HDAC9: variants seen among roughly 807,000 people sequenced by gnomAD.
HDAC9 encodes MEF-2 interacting transcription repressor (MITR) protein.
Under a neutral mutation model 139.4 loss-of-function variants are expected in HDAC9, and 41 were observed. That is an observed-to-expected ratio of 0.29 (90% confidence interval 0.23 to 0.38). The LOEUF (loss-of-function observed/expected upper bound fraction) is 0.38, where lower values mean the gene tolerates loss of function less well. Among genes scored for constraint, HDAC9 ranks in the 10% least tolerant of loss-of-function variants. HDAC9 has a pLI of 1.00. For synonymous variants in HDAC9, 517 were observed against 476.2 expected (o/e 1.09, Z -1.12); for missense variants, 1,147 against 1,297.0 (o/e 0.88, Z 1.78).
Position 18,167,906 on chromosome 7 carries a change from G to A in HDAC9, c.25+5557G>A, listed in dbSNP as rs188870303. ...CTGCAGATACGGTATTGCTTACCAA[G>A]AGGTGCAGTATTTTATAATGCACTC... is the stretch of plus-strand genomic sequence containing the variant. On this transcript the variant is annotated intron_variant, in intron 2 of 12. Coordinates refer to the HDAC9 transcript ENST00000417496. 1.5e-3 allele frequency among the ~76,000 whole-genome samples: 229 copies of A among 152,314 alleles called. 2 individuals carry two copies. The highest frequency in any genetic ancestry group is 5.2e-3 in the African/African-American group (218 of 41,588).
At chr7:18,737,690 A>G (rs1243471538) in intron 13 of HDAC9, among the ~76,000 whole-genome samples, 22 of 152,178 alleles carry the variant, frequency 1.4e-4, no homozygotes, top group Non-Finnish European at 1.5e-5. Flanking sequence ...GATGTGGTCA[A>G]TTTTAGAATA....
Position 18,846,362 on chromosome 7 carries a change from C to CA in HDAC9, c.2684+10371dup, listed in dbSNP as rs199831889. Among the ~76,000 whole-genome samples, 5 of 152,228 alleles carry CA rather than the reference C, an allele frequency of 3.3e-5. No homozygotes were observed. In the East Asian group the frequency reaches 9.7e-4, roughly 30 times the overall value. On this transcript the variant is annotated intron_variant, in intron 21 of 25. Transcript: ENST00000686413. ...TTTGTGACTGGGACCCACCCTCAGA[C>CA]AAAAAACTTAAAGGCAATATACCTT...
intron 11 of HDAC9, among the ~76,000 whole-genome samples, chr7:18,655,768 A>G (rs943933712): frequency 2.6e-5 from 4 of 152,196 alleles, no homozygotes; most frequent in African/African-American, 7.2e-5. Flanking sequence ...TAATCTAGTC[A>G]GAGACGCTTT....
intron 17 of HDAC9, among the ~76,000 whole-genome samples, chr7:18,818,619 A>G (rs7778211): frequency 0.034 from 5,211 of 152,282 alleles, 282 homozygotes; most frequent in African/African-American, 0.12. Context: ...GTATTAATTT[A>G]AGTTCTGGCT....
chr7:18,732,900 CACGTGTGCGTATGTGTATACACACGT>C (rs1786388435), intron 13 of HDAC9, among the ~76,000 whole-genome samples: 3 of 92,276 alleles, frequency 3.3e-5, no homozygotes, highest in Admixed American at 1.9e-4. Context: ...TGTACACACA[CACGTGTGCGTATGTGTATACACACGT>C]GTGTATGTAT....
chr7:18,585,133 C>A, intron 2 of HDAC9, 148 bp from the exon 3 acceptor site: 3 of 859,584 alleles, frequency 3.5e-6, no homozygotes, highest in Non-Finnish European at 5.5e-6. Flanking sequence ...GACTTTATAT[C>A]ATCATTGTAA....
At chr7:18,097,774 G>C (rs532967744) in intron 1 of HDAC9, among the ~76,000 whole-genome samples, 15 of 152,112 alleles carry the variant, frequency 9.9e-5, no homozygotes, top group Non-Finnish European at 1.8e-4. Context: ...ATGGAATCTT[G>C]CTTTGTTGAC....
chr7:18,465,592 C>G (rs1794203634), intron 1 of HDAC9, among the ~76,000 whole-genome samples: 1 of 152,128 alleles, frequency 6.6e-6, no homozygotes, highest in Non-Finnish European at 1.5e-5. Context: ...GGAATAGGAG[C>G]AGGATCTACT....
At chr7:18,235,902 A>G (rs1394962542) in intron 2 of HDAC9, among the ~76,000 whole-genome samples, 1 of 152,216 alleles carries the variant, frequency 6.6e-6, no homozygotes. Flanking sequence ...TATGTGTACA[A>G]TGCTAAGATA....
intron 17 of HDAC9, chr7:18,808,352 AG>A (rs1466293629): frequency 6.6e-6 from 1 of 152,216 alleles, no homozygotes; most frequent in African/African-American, 2.4e-5. Flanking sequence ...AAGAAGTGAA[AG>A]GCATCCAAAT....
At chr7:18,553,585 T>A (rs1817806481) in intron 2 of HDAC9, among the ~76,000 whole-genome samples, 1 of 152,224 alleles carries the variant, frequency 6.6e-6, no homozygotes, top group African/African-American at 2.4e-5. Context: ...CGAAAGATTC[T>A]GCTTTAATTC....
At position 18,164,301 on chromosome 7, in the gene HDAC9, C is replaced by T. The variant is rs147300649; in HGVS notation, c.25+1952C>T. ...TAAAGGAAAATGTTCCTGCCACAAA[C>T]ATAAAAAAAAATTTTCTCCTGTTAT... On this transcript the variant is annotated intron_variant, in intron 2 of 12. Transcript: ENST00000417496. Among the ~76,000 whole-genome samples the T allele has an allele frequency of 2.1e-4, 32 of 152,108 alleles. No individual in the cohort carries two copies. In the East Asian group the frequency reaches 6.0e-3, roughly 28 times the overall value.
chr7:18,732,404 G>T (rs971541454), intron 13 of HDAC9, among the ~76,000 whole-genome samples: 1 of 149,846 alleles, frequency 6.7e-6, no homozygotes, highest in African/African-American at 2.5e-5. Context: ...ATTTGTATTT[G>T]TATACATATC....
chr7:18,398,899 C>T (rs1427489), intron 1 of HDAC9, among the ~76,000 whole-genome samples: 30 of 151,744 alleles, frequency 2.0e-4, no homozygotes, highest in Admixed American at 1.5e-3. Flanking sequence ...TTGAAACATA[C>T]GAAATCCCTT....
At position 18,185,969 on chromosome 7, in the gene HDAC9, C is replaced by G. The variant is rs1789882769; in HGVS notation, c.25+23620C>G. On this transcript the variant is annotated intron_variant, in intron 2 of 12. Coordinates refer to the HDAC9 transcript ENST00000417496. Reference sequence around the variant, plus strand: ...ATCACATATTGCTGAATTGCAGTGACCATTTATTGAGTGTTCATTGTATTT... The same window carrying G: ...ATCACATATTGCTGAATTGCAGTGAGCATTTATTGAGTGTTCATTGTATTT... 3.3e-5 allele frequency among the ~76,000 whole-genome samples: 5 copies of G among 151,978 alleles called. No individual in the cohort carries two copies. The South Asian group carries it at 1.0e-3, about 32-fold the overall frequency.
rs1786788069 is a variant in HDAC9, at chr7:19,002,318, T to A, written c.*6256T>A. 1 of 152,122 alleles carries A rather than the reference T, an allele frequency of 6.6e-6. No individual in the cohort carries two copies. The highest frequency in any genetic ancestry group is 1.5e-5 in the Non-Finnish European group (1 of 67,956). The allele number at this position is 152,122 out of a possible 1,614,324, so 9.4% of individuals were successfully genotyped here. On this transcript the variant is annotated 3_prime_UTR_variant, in exon 26 of 26. Transcript: ENST00000686413. ...GTTGGTGTTGTTAATGTCATGACTC[T>A]CCTTTGAATAGAATAAAATAACCCC...
At chr7:18,433,780 C>G (rs375783544) in intron 1 of HDAC9, among the ~76,000 whole-genome samples, 4 of 152,254 alleles carry the variant, frequency 2.6e-5, no homozygotes, top group African/African-American at 9.6e-5. Context: ...ACAGCACAAA[C>G]AAATGGAAAA....
chr7:18,725,806 C>A (rs145252793), intron 12 of HDAC9, among the ~76,000 whole-genome samples: 1 of 152,156 alleles, frequency 6.6e-6, no homozygotes, highest in Non-Finnish European at 1.5e-5. Context: ...AATCTTACTG[C>A]TGTGTCCTCA....
rs763732956 is a variant in HDAC9, at chr7:18,727,793, C to CTAAA, written c.1909+38_1909+41dup. ...CTAAAGACTCTCTCTAATAGGCAGG[C>CTAAA]TAAATGCCCCGTTCTTGTAGGATTA... On this transcript the variant is annotated intron_variant, in intron 13 of 25. Transcript: ENST00000686413. 54 of 1,383,696 alleles carry CTAAA rather than the reference C, an allele frequency of 3.9e-5. No individual in the cohort carries two copies. In the East Asian group the frequency reaches 7.9e-4, roughly 20 times the overall value. 85.7% of individuals were successfully genotyped at this position (1,383,696 alleles called of 1,614,324 possible).
Sources: gnomAD v4.1 joint callset for allele counts (sites outside exome capture counted in the v4.1 genomes callset) on GRCh38, gnomAD v4.1.1 for gene constraint, MANE v1.5 for transcripts, NCBI Gene and HGNC (gene_info 2026-07-23, HGNC 2026-07-21) for gene names.